The following C12orf42 variants were observed in gnomAD, a reference collection of about 807,000 sequenced individuals.
C12orf42 encodes uncharacterized protein C12orf42.
Under a neutral mutation model 21.6 loss-of-function variants are expected in C12orf42, and 25 were observed. The ratio of observed to expected loss-of-function variants is 1.16; its 90% CI spans 0.84 to 1.62. The LOEUF (loss-of-function observed/expected upper bound fraction) is 1.62, where lower values mean the gene tolerates loss of function less well. C12orf42 is among the 40% of genes most tolerant of loss of function. C12orf42 has a pLI of 0.00. For missense variants in C12orf42, 483 were observed against 459.3 expected, an observed-to-expected ratio of 1.05 and a Z score of -0.47; for synonymous variants, 174 against 175.0, an observed-to-expected ratio of 0.99 and a Z score of 0.05.
At chr12:103,279,156 C>T (rs2035950830) in intron 4 of C12orf42, among the ~76,000 whole-genome samples, 1 of 152,128 alleles carries the variant, frequency 6.6e-6, no homozygotes, top group Non-Finnish European at 1.5e-5. Flanking sequence ...CACATCATGC[C>T]TATAGTTCAC....
chr12:103,118,176 C>T, the C12orf42 span, among the ~76,000 whole-genome samples: 1 of 152,180 alleles, frequency 6.6e-6, no homozygotes. Context: ...ATGTGCCTGC[C>T]TTCCTCACTT....
At chr12:103,558,554 T>A in the C12orf42 span, 2 of 152,236 alleles carry the variant, frequency 1.3e-5, no homozygotes, top group Non-Finnish European at 2.9e-5. Context: ...AATGATTTAA[T>A]TTAATATCAT....
intron 3 of C12orf42, among the ~76,000 whole-genome samples, chr12:103,376,439 G>A (rs2045703181): frequency 6.6e-6 from 1 of 152,036 alleles, no homozygotes; most frequent in Non-Finnish European, 1.5e-5. Context: ...AGAGCATTAG[G>A]ACAAATACCT....
chr12:103,069,859 T>A, the C12orf42 span, among the ~76,000 whole-genome samples: 2 of 152,098 alleles, frequency 1.3e-5, no homozygotes, highest in African/African-American at 4.8e-5. Flanking sequence ...TCTCACCATG[T>A]CCTTTGAAAA....
At chr12:103,532,162 G>A in the C12orf42 span, among the ~76,000 whole-genome samples, 1 of 152,156 alleles carries the variant, frequency 6.6e-6, no homozygotes, top group Non-Finnish European at 1.5e-5. Flanking sequence ...AAGAACAAAA[G>A]TTTAAAGCTA....
At chr12:103,472,262 G>A (rs12297724) in intron 2 of C12orf42, among the ~76,000 whole-genome samples, 1 of 151,858 alleles carries the variant, frequency 6.6e-6, no homozygotes, top group Non-Finnish European at 1.5e-5. Context: ...CACCGTGTTA[G>A]CCAGGATGGT....
At chr12:103,146,434 C>A in the C12orf42 span, among the ~76,000 whole-genome samples, 2 of 140,634 alleles carry the variant, frequency 1.4e-5, no homozygotes, top group Non-Finnish European at 3.0e-5. Flanking sequence ...GAGCTGAGAT[C>A]ATGCCACTGC....
At chr12:103,166,456 G>C in the C12orf42 span, among the ~76,000 whole-genome samples, 80,783 of 151,982 alleles carry the variant, frequency 0.53, 21,710 homozygotes, top group East Asian at 0.7. Context: ...TTCAAAACAA[G>C]TTAATGATGT....
chr12:103,427,345 A>G (rs1592755175), intron 2 of C12orf42, among the ~76,000 whole-genome samples: 2 of 151,656 alleles, frequency 1.3e-5, no homozygotes, highest in East Asian at 1.9e-4. Context: ...TAAAACAGAC[A>G]TTAAGCCAAA....
chr12:103,529,781 G>C, the C12orf42 span, among the ~76,000 whole-genome samples: 1 of 152,234 alleles, frequency 6.6e-6, no homozygotes, highest in Non-Finnish European at 1.5e-5. Flanking sequence ...TCAATGGTGA[G>C]ACAAAATCAA....
intron 4 of C12orf42, among the ~76,000 whole-genome samples, chr12:103,283,378 T>C (rs1243087541): frequency 6.6e-6 from 1 of 152,218 alleles, no homozygotes; most frequent in Non-Finnish European, 1.5e-5. Flanking sequence ...TGCTTTAATC[T>C]ACATTCTGCT....
At chr12:103,147,509 T>C in the C12orf42 span, among the ~76,000 whole-genome samples, 14 of 148,714 alleles carry the variant, frequency 9.4e-5, no homozygotes, top group Admixed American at 8.7e-4. Flanking sequence ...TTTTCTTTTT[T>C]TTTTTTTTTT....
At chr12:103,313,304 A>G (rs908548727) in intron 4 of C12orf42, among the ~76,000 whole-genome samples, 3 of 152,228 alleles carry the variant, frequency 2.0e-5, no homozygotes, top group Admixed American at 2.0e-4. Context: ...CTTACACCAC[A>G]TAATGGGGTT....
chr12:103,508,638 T>C, the C12orf42 span, among the ~76,000 whole-genome samples: 2 of 152,212 alleles, frequency 1.3e-5, no homozygotes, highest in Admixed American at 6.5e-5. Context: ...CATTTATTTA[T>C]TTATTATTTG....
intron 4 of C12orf42, among the ~76,000 whole-genome samples, chr12:103,351,585 T>C (rs1811522783): frequency 6.6e-6 from 1 of 152,126 alleles, no homozygotes; most frequent in South Asian, 2.1e-4. Flanking sequence ...ATGTATCAGC[T>C]ACCTCACACA....
chr12:103,079,761 G>A, the C12orf42 span, among the ~76,000 whole-genome samples: 1 of 152,156 alleles, frequency 6.6e-6, no homozygotes, highest in Admixed American at 6.5e-5. Flanking sequence ...CTTTCAACAT[G>A]CCTTCAGATT....
chr12:103,495,630 C>G (rs12311248), intron 1 of C12orf42: 16,438 of 149,798 alleles, frequency 0.11, 1,023 homozygotes, highest in East Asian at 0.21. Flanking sequence ...GGAGCGTGTG[C>G]GTCTCGGTCC....
At chr12:103,474,122 T>C (rs1236470885) in intron 2 of C12orf42, among the ~76,000 whole-genome samples, 1 of 152,086 alleles carries the variant, frequency 6.6e-6, no homozygotes, top group Non-Finnish European at 1.5e-5. Context: ...GGACCTGAAG[T>C]AGGCAGCCAG....
intron 4 of C12orf42, among the ~76,000 whole-genome samples, chr12:103,366,822 T>C (rs775674376): frequency 1.3e-5 from 2 of 151,814 alleles, no homozygotes. Flanking sequence ...ATGGATGTGG[T>C]GAAAAGAGAA....
Sources: allele counts gnomAD v4.1 joint callset (sites outside exome capture counted in the v4.1 genomes callset), GRCh38; gene constraint gnomAD v4.1.1; transcripts MANE v1.5; gene names NCBI Gene and HGNC (gene_info 2026-07-23, HGNC 2026-07-21).